The following NAALADL2 variants were observed in gnomAD, a reference collection of about 807,000 sequenced individuals.
NAALADL2 encodes the protein inactive N-acetylated-alpha-linked acidic dipeptidase-like protein 2.
A neutral mutation model predicts 87.2 loss-of-function variants in NAALADL2; 76 were observed. That is an observed-to-expected ratio of 0.87 (90% CI 0.72 to 1.05). NAALADL2 has a LOEUF of 1.05. Ranked by LOEUF, NAALADL2 falls within the 50% of genes least tolerant of loss-of-function variation. The pLI is 0.00. For missense variants in NAALADL2, 1,089 were observed against 945.8 expected (o/e 1.15, Z -1.99); for synonymous variants, 354 against 331.0 (o/e 1.07, Z -0.75).
intron 11 of NAALADL2, among the ~76,000 whole-genome samples, chr3:175,720,742 T>C (rs530902711): frequency 3.9e-5 from 6 of 152,174 alleles, no homozygotes; most frequent in Admixed American, 2.0e-4. Flanking sequence ...GACTCCTTCA[T>C]AGCAACAAAA....
intron 13 of NAALADL2, among the ~76,000 whole-genome samples, chr3:175,779,771 T>C (rs1291107537): frequency 6.6e-6 from 1 of 152,190 alleles, no homozygotes. Context: ...CTTTAAGTAA[T>C]ACAAGGTTTT....
intron 1 of NAALADL2, among the ~76,000 whole-genome samples, chr3:175,030,219 T>C (rs191472104): frequency 4.6e-5 from 7 of 152,222 alleles, no homozygotes; most frequent in Non-Finnish European, 7.4e-5. Context: ...TTGCTGCTAT[T>C]TATGCTTTCC....
At chr3:174,490,970 T>G (rs1359061096) in intron 1 of NAALADL2, among the ~76,000 whole-genome samples, 1 of 152,140 alleles carries the variant, frequency 6.6e-6, no homozygotes, top group Non-Finnish European at 1.5e-5. Context: ...AAGAGTATTT[T>G]ATATGTGTAT....
chr3:175,379,955 A>T (rs1346718442), intron 5 of NAALADL2, among the ~76,000 whole-genome samples: 1 of 152,110 alleles, frequency 6.6e-6, no homozygotes, highest in African/African-American at 2.4e-5. Context: ...AAGGACAAAA[A>T]ACCAAACACT....
chr3:174,628,896 C>T (rs765670084), intron 2 of NAALADL2, among the ~76,000 whole-genome samples: 16 of 152,184 alleles, frequency 1.1e-4, no homozygotes, highest in Non-Finnish European at 2.4e-4. Flanking sequence ...TGAGATGACT[C>T]ATTTATTCTT....
intron 1 of NAALADL2, among the ~76,000 whole-genome samples, chr3:174,865,398 C>G (rs1466873225): frequency 6.6e-6 from 1 of 151,948 alleles, no homozygotes; most frequent in African/African-American, 2.4e-5. Flanking sequence ...CTGCTGAAAT[C>G]CATTCAATCT....
intron 1 of NAALADL2, among the ~76,000 whole-genome samples, chr3:174,940,307 C>G (rs544874172): frequency 1.3e-5 from 2 of 152,098 alleles, no homozygotes; most frequent in South Asian, 2.1e-4. Flanking sequence ...TGTGATGAAT[C>G]ACATTTATTG....
chr3:174,465,537 G>A (rs1002048860), intron 1 of NAALADL2, among the ~76,000 whole-genome samples: 1 of 152,062 alleles, frequency 6.6e-6, no homozygotes, highest in Admixed American at 6.5e-5. Context: ...CCAAATAGTT[G>A]TTAGGTTTGA....
chr3:174,640,442 A>G (rs1328697525), intron 2 of NAALADL2, among the ~76,000 whole-genome samples: 1 of 146,864 alleles, frequency 6.8e-6, no homozygotes, highest in Non-Finnish European at 1.5e-5. Context: ...TCAATTTTAT[A>G]GAAGATTGAT....
upstream of NAALADL2, among the ~76,000 whole-genome samples, chr3:174,856,632 A>G (rs1266708291): frequency 6.6e-6 from 1 of 152,168 alleles, no homozygotes; most frequent in African/African-American, 2.4e-5. Flanking sequence ...CCCAAAATGC[A>G]AAAGTTATGA....
chr3:174,981,269 C>G (rs1560437954), intron 1 of NAALADL2, among the ~76,000 whole-genome samples: 1 of 151,986 alleles, frequency 6.6e-6, no homozygotes, highest in Non-Finnish European at 1.5e-5. Flanking sequence ...GAAGAGAACT[C>G]TAAGCTTAGT....
chr3:175,558,194 CAAAAAAA>C lies in NAALADL2; in HGVS notation c.1654-17830_1654-17824del, dbSNP rs71164638. On this transcript the variant is annotated intron_variant, in intron 9 of 13. Coordinates refer to ENST00000454872, the MANE Select transcript of NAALADL2 (RefSeq NM_207015.3). ...TGGGCAACACAGCAAGACCCCGTCTCAAAAAAAAAAAAAAAAAAAAAAAGAAAGAAAG... is the reference window on the plus strand; with the variant it reads ...TGGGCAACACAGCAAGACCCCGTCTCAAAAAAAAAAAAAAAAGAAAGAAAG... Among the ~76,000 whole-genome samples the C allele has an allele frequency of 2.8e-4, 23 of 82,446 alleles. 1 individual carries two copies. The highest frequency in any genetic ancestry group is 1.5e-3 in the South Asian group (3 of 2,028). The allele number at this position is 82,446 out of a possible 152,430, so 54.1% of individuals were successfully genotyped here.
intron 2 of NAALADL2, among the ~76,000 whole-genome samples, chr3:174,555,973 C>CCG (rs1412300516): frequency 8.1e-6 from 1 of 123,826 alleles, no homozygotes; most frequent in African/African-American, 3.1e-5. Context: ...GCCTTATCCT[C>CCG]CGTGTGTGTG....
At chr3:175,321,387 A>G (rs1759843914) in intron 4 of NAALADL2, among the ~76,000 whole-genome samples, 1 of 105,944 alleles carries the variant, frequency 9.4e-6, no homozygotes, top group Admixed American at 9.9e-5. Flanking sequence ...ATCATACTGA[A>G]TGGGCAAAAA....
chr3:174,895,195 TG>T (rs780936911), intron 1 of NAALADL2, among the ~76,000 whole-genome samples: 17 of 151,674 alleles, frequency 1.1e-4, no homozygotes, highest in South Asian at 6.3e-4. Context: ...CAGATATAAA[TG>T]GAATTAAAAT....
chr3:175,325,854 G>A (rs1760641925), intron 5 of NAALADL2, among the ~76,000 whole-genome samples: 1 of 152,084 alleles, frequency 6.6e-6, no homozygotes, highest in South Asian at 2.1e-4. Context: ...GCTTTATTCT[G>A]CCATCACCTT....
intron 3 of NAALADL2, among the ~76,000 whole-genome samples, chr3:174,830,262 A>T (rs1285217977): frequency 6.7e-6 from 1 of 148,606 alleles, no homozygotes; most frequent in Admixed American, 6.8e-5. Flanking sequence ...CTAACGTTTA[A>T]GTCTTTAATC....
At chr3:174,898,414 A>G (rs1210718813) in intron 1 of NAALADL2, among the ~76,000 whole-genome samples, 3 of 151,606 alleles carry the variant, frequency 2.0e-5, no homozygotes, top group Non-Finnish European at 2.9e-5. Flanking sequence ...TAATAAATAG[A>G]ATGAATAAGA....
chr3:175,405,065 G>A (rs1335918388), intron 5 of NAALADL2, among the ~76,000 whole-genome samples: 1 of 151,824 alleles, frequency 6.6e-6, no homozygotes, highest in African/African-American at 2.4e-5. Flanking sequence ...TTATCCTGTG[G>A]GGCTTAATTC....
Sources: allele counts gnomAD v4.1 joint callset (sites outside exome capture counted in the v4.1 genomes callset), GRCh38; gene constraint gnomAD v4.1.1; transcripts MANE v1.5; gene names NCBI Gene and HGNC (gene_info 2026-07-23, HGNC 2026-07-21).